Variants in AGBL4 observed in about 807,000 individuals in gnomAD.
The protein encoded by AGBL4 is AGBL carboxypeptidase 4, also known as cytosolic carboxypeptidase 6.
A neutral mutation model predicts 66.4 loss-of-function variants in AGBL4; 58 were observed. The observed-to-expected ratio is 0.87, with a 90% confidence interval of 0.71 to 1.09. The LOEUF is 1.09. Ranked by LOEUF, AGBL4 falls within the 50% of genes least tolerant of loss-of-function variation. The probability of loss-of-function intolerance (pLI) is 0.00; values close to 1 mark genes in which losing one functional copy is unlikely to be tolerated. For synonymous variants in AGBL4, 234 were observed against 222.9 expected (o/e 1.05, Z -0.44); for missense variants, 579 against 631.0 (o/e 0.92, Z 0.88).
intron 3 of AGBL4, among the ~76,000 whole-genome samples, chr1:49,501,032 G>C (rs1240995149): frequency 6.6e-6 from 1 of 151,984 alleles, no homozygotes; most frequent in African/African-American, 2.4e-5. Flanking sequence ...TGTTTGTATA[G>C]TCTATAATTT....
intron 3 of AGBL4, among the ~76,000 whole-genome samples, chr1:49,287,343 A>G (rs1450709338): frequency 6.8e-6 from 1 of 147,170 alleles, no homozygotes; most frequent in African/African-American, 2.5e-5. Flanking sequence ...CAATGGCAAC[A>G]AAAGCCAAAA....
At chr1:49,406,508 G>T (rs1299671345) in intron 3 of AGBL4, among the ~76,000 whole-genome samples, 1 of 151,976 alleles carries the variant, frequency 6.6e-6, no homozygotes, top group Non-Finnish European at 1.5e-5. Flanking sequence ...CAAGCAAAGG[G>T]TACATAAAAT....
At chr1:50,011,961 C>T (rs1661568572) in intron 1 of AGBL4, among the ~76,000 whole-genome samples, 1 of 151,896 alleles carries the variant, frequency 6.6e-6, no homozygotes, top group Non-Finnish European at 1.5e-5. Flanking sequence ...AGATCGAGAC[C>T]ATCCTGGCTA....
chr1:48,695,998 G>T (rs958365312), intron 6 of AGBL4, among the ~76,000 whole-genome samples: 2 of 152,164 alleles, frequency 1.3e-5, no homozygotes, highest in Non-Finnish European at 2.9e-5. Flanking sequence ...TGGTTGAAGG[G>T]CCTTCTCATT....
At position 48,732,576 on chromosome 1, in the gene AGBL4, C is replaced by A. The variant is rs112446605; in HGVS notation, c.635-69335G>T. 6.0e-3 allele frequency among the ~76,000 whole-genome samples: 915 copies of A among 152,182 alleles called. 13 individuals carry two copies. Among genetic ancestry groups the A allele is most frequent in the African/African-American group, 0.021 (872 of 41,538 alleles). ...ACTTTAGACTGAGTGGCTGGGGAGG[C>A]CTCTCTCAGTGACAGGGAGGGAGGG... On this transcript the variant is annotated intron_variant, in intron 6 of 13. Coordinates refer to ENST00000371839, the MANE Select transcript of AGBL4 (RefSeq NM_032785.4).
rs142973236 is a variant in AGBL4, at chr1:48,550,613, C to T, written c.1268-10875G>A. Reference sequence around the variant, plus strand: ...TTGATAGGTTCTAGGGATCAGGAACCGAATGTCTTTGGGGGTCATTATTCA... The same window carrying T: ...TTGATAGGTTCTAGGGATCAGGAACTGAATGTCTTTGGGGGTCATTATTCA... On this transcript the variant is annotated intron_variant, in intron 11 of 13. Coordinates refer to ENST00000371839, the MANE Select transcript of AGBL4 (RefSeq NM_032785.4). 5.3e-4 allele frequency among the ~76,000 whole-genome samples: 81 copies of T among 152,214 alleles called. No homozygotes were observed. The East Asian group carries it at 0.015, about 28-fold the overall frequency.
chr1:49,961,699 T>A (rs1232620225), intron 1 of AGBL4, among the ~76,000 whole-genome samples: 1 of 152,094 alleles, frequency 6.6e-6, no homozygotes, highest in African/African-American at 2.4e-5. Flanking sequence ...TTTAATTAGA[T>A]TCCAGAGCAA....
At chr1:49,715,136 C>A (rs1036252516) in intron 2 of AGBL4, among the ~76,000 whole-genome samples, 4 of 152,050 alleles carry the variant, frequency 2.6e-5, no homozygotes, top group African/African-American at 2.4e-5. Flanking sequence ...CCCCAACAGG[C>A]TCTGGTGTGT....
rs1313942050 is a variant in AGBL4, at chr1:49,875,430, G to C, written c.35-23912C>G. Among the ~76,000 whole-genome samples, 52 of 140,332 alleles carry C rather than the reference G, an allele frequency of 3.7e-4. 1 individual carries two copies. In the East Asian group the frequency reaches 9.6e-3, roughly 26 times the overall value. The allele number at this position is 140,332 out of a possible 152,430, so 92.1% of individuals were successfully genotyped here. A position where few individuals can be genotyped will look rare whatever the true frequency, so the allele number is the denominator to read the frequency against. On this transcript the variant is annotated intron_variant, in intron 1 of 13. Coordinates refer to ENST00000371839, the MANE Select transcript of AGBL4 (RefSeq NM_032785.4). ...TGTTTGGTTTTTTGTTCTTGCGATA[G>C]TTTACTGAGAATGATGGTTTCCAAT...
intron 4 of AGBL4, among the ~76,000 whole-genome samples, chr1:49,191,430 T>A (rs527510649): frequency 5.3e-5 from 8 of 152,344 alleles, no homozygotes; most frequent in Admixed American, 1.3e-4. Context: ...GTAATAAATA[T>A]CTGTTGAGTA....
the AGBL4 span, among the ~76,000 whole-genome samples, chr1:48,527,044 G>A: frequency 6.6e-6 from 1 of 152,170 alleles, no homozygotes; most frequent in Non-Finnish European, 1.5e-5. Flanking sequence ...AATCTGAGCT[G>A]TGGAATGTCT....
intron 5 of AGBL4, among the ~76,000 whole-genome samples, chr1:49,001,788 C>T (rs1425319475): frequency 1.3e-5 from 2 of 152,132 alleles, no homozygotes; most frequent in East Asian, 1.9e-4. Context: ...GTTTAAACAC[C>T]GTCAGTAATG....
chr1:48,766,842 C>T (rs1045165123), intron 6 of AGBL4, among the ~76,000 whole-genome samples: 3 of 152,328 alleles, frequency 2.0e-5, no homozygotes, highest in African/African-American at 7.2e-5. Context: ...TTTCTGCAGG[C>T]AGTGAACATT....
At chr1:49,810,681 C>G (rs1387174934) in intron 2 of AGBL4, among the ~76,000 whole-genome samples, 1 of 151,922 alleles carries the variant, frequency 6.6e-6, no homozygotes, top group Non-Finnish European at 1.5e-5. Context: ...CAGACTGAAA[C>G]AAAGGAAGAA....
intron 5 of AGBL4, among the ~76,000 whole-genome samples, chr1:49,041,446 T>C (rs1029019336): frequency 6.6e-6 from 1 of 152,072 alleles, no homozygotes; most frequent in Non-Finnish European, 1.5e-5. Flanking sequence ...TGTACTTCCA[T>C]TAAATTTACT....
At chr1:49,421,835 T>G (rs1279982592) in intron 3 of AGBL4, among the ~76,000 whole-genome samples, 1 of 152,160 alleles carries the variant, frequency 6.6e-6, no homozygotes, top group East Asian at 1.9e-4. Flanking sequence ...ATAAACACTA[T>G]TGGTCCTATT....
chr1:49,344,687 A>C (rs1047153092), intron 3 of AGBL4, among the ~76,000 whole-genome samples: 6 of 152,188 alleles, frequency 3.9e-5, no homozygotes, highest in Non-Finnish European at 7.4e-5. Context: ...ATCTTACCTT[A>C]TGATCAAACT....
chr1:48,725,257 C>T (rs953387566), intron 6 of AGBL4, among the ~76,000 whole-genome samples: 4 of 152,048 alleles, frequency 2.6e-5, no homozygotes, highest in Non-Finnish European at 5.9e-5. Context: ...TGATATTTTT[C>T]GAAAGTGACA....
intron 3 of AGBL4, among the ~76,000 whole-genome samples, chr1:49,267,017 C>T (rs897288369): frequency 6.6e-6 from 1 of 152,194 alleles, no homozygotes; most frequent in Admixed American, 6.5e-5. Context: ...GAAACGCATA[C>T]TGTTATGGAG....
Sources: allele counts gnomAD v4.1 joint callset (sites outside exome capture counted in the v4.1 genomes callset), GRCh38; gene constraint gnomAD v4.1.1; transcripts MANE v1.5; gene names NCBI Gene and HGNC (gene_info 2026-07-23, HGNC 2026-07-21).